The following SLC30A8 variants were observed in gnomAD, a reference collection of about 807,000 sequenced individuals.
SLC30A8 encodes proton-coupled zinc antiporter SLC30A8.
A neutral mutation model predicts 36.9 loss-of-function variants in SLC30A8; 27 were observed. That is an observed-to-expected ratio of 0.73 (90% confidence interval 0.54 to 1.01). The LOEUF is 1.01. SLC30A8 is among the 50% of genes least tolerant of loss of function. SLC30A8 has a pLI of 0.00. For missense variants in SLC30A8, 439 were observed against 452.0 expected (o/e 0.97, Z 0.26); for synonymous variants, 164 against 172.4 (o/e 0.95, Z 0.38).
chr8:117,138,951 A>T (rs1821496702), intron 1 of SLC30A8, among the ~76,000 whole-genome samples: 1 of 151,992 alleles, frequency 6.6e-6, no homozygotes. Flanking sequence ...TATTTGTAAG[A>T]CAGCATAGGG....
At chr8:117,156,985 G>A (rs1822523849) in intron 3 of SLC30A8, among the ~76,000 whole-genome samples, 1 of 152,168 alleles carries the variant, frequency 6.6e-6, no homozygotes, top group Non-Finnish European at 1.5e-5. Context: ...GAATCTATGG[G>A]TTTGAATTAA....
intron 2 of SLC30A8, among the ~76,000 whole-genome samples, chr8:117,126,900 G>A (rs1820929632): frequency 6.6e-6 from 1 of 152,042 alleles, no homozygotes. Context: ...TGAGAATGCA[G>A]CATCTGTGTG....
intron 1 of SLC30A8, among the ~76,000 whole-genome samples, chr8:116,986,099 G>A (rs1455465122): frequency 2.6e-5 from 4 of 151,924 alleles, no homozygotes; most frequent in Non-Finnish European, 5.9e-5. Context: ...AATTCTAGAA[G>A]TCTAACAGGA....
At chr8:116,973,677 G>T (rs1464988398) in intron 1 of SLC30A8, among the ~76,000 whole-genome samples, 1 of 152,050 alleles carries the variant, frequency 6.6e-6, no homozygotes, top group Non-Finnish European at 1.5e-5. Flanking sequence ...TCACAGAATC[G>T]GAAGAAACTA....
chr8:116,956,197 G>A (rs931099483), intron 1 of SLC30A8, among the ~76,000 whole-genome samples: 1 of 152,176 alleles, frequency 6.6e-6, no homozygotes, highest in African/African-American at 2.4e-5. Context: ...CAACAGAATG[G>A]ATGCAAAGAT....
intron 2 of SLC30A8, among the ~76,000 whole-genome samples, chr8:117,062,454 G>A (rs1226300682): frequency 6.6e-6 from 1 of 152,128 alleles, no homozygotes; most frequent in Non-Finnish European, 1.5e-5. Context: ...GACAGAGAGC[G>A]GGGAAGGTGT....
At chr8:117,107,973 A>G (rs1364006941) in intron 2 of SLC30A8, among the ~76,000 whole-genome samples, 1 of 152,220 alleles carries the variant, frequency 6.6e-6, no homozygotes, top group Non-Finnish European at 1.5e-5. Flanking sequence ...TCTGAAATAT[A>G]TAACTAGTGA....
chr8:116,968,545 T>G (rs1814677917), intron 1 of SLC30A8, among the ~76,000 whole-genome samples: 1 of 151,660 alleles, frequency 6.6e-6, no homozygotes, highest in Admixed American at 6.6e-5. Flanking sequence ...ACTTGGAAGA[T>G]TGACATTCCA....
At chr8:117,058,538 C>T (rs1475141987) in intron 2 of SLC30A8, among the ~76,000 whole-genome samples, 1 of 152,104 alleles carries the variant, frequency 6.6e-6, no homozygotes, top group Non-Finnish European at 1.5e-5. Flanking sequence ...CCTTCTAATA[C>T]CATAACCTTG....
At chr8:117,124,993 A>G (rs951028023) in intron 2 of SLC30A8, among the ~76,000 whole-genome samples, 81 of 152,058 alleles carry the variant, frequency 5.3e-4, no homozygotes, top group African/African-American at 1.8e-3. Context: ...ATGAAGGAAA[A>G]CATCAACAAT....
At chr8:117,137,327 TCTTTCTA>T (rs1157145309) in intron 1 of SLC30A8, among the ~76,000 whole-genome samples, 1 of 152,052 alleles carries the variant, frequency 6.6e-6, no homozygotes, top group African/African-American at 2.4e-5. Flanking sequence ...TACCTCTTTT[TCTTTCTA>T]CTTTCTATTA....
At chr8:117,086,206 A>G (rs1277268995) in intron 2 of SLC30A8, among the ~76,000 whole-genome samples, 1 of 152,182 alleles carries the variant, frequency 6.6e-6, no homozygotes, top group Non-Finnish European at 1.5e-5. Flanking sequence ...GGAACTAACA[A>G]CTGTGAGTGC....
intron 1 of SLC30A8, among the ~76,000 whole-genome samples, chr8:116,989,239 G>C (rs1052179633): frequency 6.6e-6 from 1 of 152,178 alleles, no homozygotes; most frequent in Non-Finnish European, 1.5e-5. Context: ...GGGCAAATTT[G>C]TGGTGGTGTT....
In SLC30A8 at chr8:117,163,526, G is replaced by A. The variant is rs1404452163; in HGVS notation, c.825G>A (p.Met275Ile). The change falls in exon 6 of 8, where the codon ATG becomes ATA. Residue 275 changes from methionine to isoleucine, a missense_variant. Transcript: ENST00000456015. Reference sequence around the variant, plus strand: ...TAAAGGACTTCTCCATCTTACTCATGGAAGGTAGGAGTGATTTTATTATTA... The same window carrying A: ...TAAAGGACTTCTCCATCTTACTCATAGAAGGTAGGAGTGATTTTATTATTA... ...TILKDFSILL[M>I]EGVPKSLNYS... 1 of 1,607,360 alleles carries A rather than the reference G, an allele frequency of 6.2e-7. No individual in the cohort carries two copies. Among genetic ancestry groups the A allele is most frequent in the Non-Finnish European group, 8.5e-7 (1 of 1,175,204 alleles).
chr8:117,128,543 C>A (rs1276711257), intron 2 of SLC30A8: 4 of 73,514 alleles, frequency 5.4e-5, no homozygotes, highest in African/African-American at 5.1e-4. Flanking sequence ...AATATGCTCC[C>A]TGTGTTATTA....
At chr8:117,137,963 G>A (rs1821438008) in intron 1 of SLC30A8, among the ~76,000 whole-genome samples, 1 of 149,884 alleles carries the variant, frequency 6.7e-6, no homozygotes, top group Admixed American at 6.7e-5. Context: ...AGTAATATTG[G>A]ACCCAGTAGG....
chr8:117,016,294 T>C (rs1347389100), intron 1 of SLC30A8, among the ~76,000 whole-genome samples: 1 of 152,174 alleles, frequency 6.6e-6, no homozygotes, highest in Non-Finnish European at 1.5e-5. Flanking sequence ...CAATGGATAA[T>C]AGAAGTCGAT....
chr8:117,157,963 TTGAA>T (rs945354368), intron 4 of SLC30A8, 119 bp downstream of exon 4: 8 of 1,124,868 alleles, frequency 7.1e-6, no homozygotes, highest in African/African-American at 6.2e-5. Context: ...GACAGAGTGT[TTGAA>T]TGGCTCTAAG....
intron 2 of SLC30A8, among the ~76,000 whole-genome samples, chr8:117,105,664 G>C (rs1338551828): frequency 6.6e-6 from 1 of 152,096 alleles, no homozygotes; most frequent in African/African-American, 2.4e-5. Flanking sequence ...GCAAACCTCA[G>C]TTTTTGCTCT....
Sources: gnomAD v4.1 joint callset for allele counts (sites outside exome capture counted in the v4.1 genomes callset) on GRCh38, gnomAD v4.1.1 for gene constraint, MANE v1.5 for transcripts, NCBI Gene and HGNC (gene_info 2026-07-23, HGNC 2026-07-21) for gene names.